Variants in IRAK2 observed in about 807,000 individuals in gnomAD.
IRAK2 encodes interleukin 1 receptor associated kinase 2, also known as interleukin-1 receptor-associated kinase-like 2.
A neutral mutation model predicts 72.0 loss-of-function variants in IRAK2; 57 were observed. The ratio of observed to expected loss-of-function variants is 0.79; its 90% CI spans 0.64 to 0.99. The LOEUF (loss-of-function observed/expected upper bound fraction) is 0.99. Ranked by LOEUF, IRAK2 falls within the 50% of genes least tolerant of loss-of-function variation. The pLI is 0.00. For missense variants in IRAK2, 790 were observed against 794.4 expected (o/e 0.99, Z 0.07); for synonymous variants, 293 against 312.7 (o/e 0.94, Z 0.67).
chr3:10,238,714 C>G (rs1313536500), intron 11 of IRAK2, 34 bp from the exon 12 acceptor site: 1 of 1,595,444 alleles, frequency 6.3e-7, no homozygotes, highest in Admixed American at 1.7e-5. Context: ...AGAGAGAATT[C>G]CTGATGAGCT....
intron 8 of IRAK2, among the ~76,000 whole-genome samples, chr3:10,222,196 A>AT (rs201644481): frequency 0.014 from 2,155 of 151,842 alleles, 51 homozygotes; most frequent in African/African-American, 0.049. Flanking sequence ...CCAAGAGGGA[A>AT]TTTTTTTTTC....
intron 1 of IRAK2, among the ~76,000 whole-genome samples, chr3:10,175,172 G>A (rs1011423131): frequency 1.3e-5 from 2 of 151,856 alleles, no homozygotes; most frequent in Non-Finnish European, 2.9e-5. Context: ...CGCTCAGGCT[G>A]GAGTGCAGTG....
intron 10 of IRAK2, among the ~76,000 whole-genome samples, chr3:10,226,919 C>T (rs1304977148): frequency 3.5e-5 from 5 of 143,044 alleles, no homozygotes; most frequent in Admixed American, 7.4e-5. Flanking sequence ...GCACTCCAGC[C>T]TGGGTGACAG....
At chr3:10,166,019 G>C (rs1380212775) in intron 1 of IRAK2, among the ~76,000 whole-genome samples, 1 of 151,772 alleles carries the variant, frequency 6.6e-6, no homozygotes. Context: ...ATGAGCCACC[G>C]CGCCCGGCCT....
chr3:10,237,929 C>CTGTGTGTGTGTG lies in IRAK2; in HGVS notation c.1474-792_1474-781dup, dbSNP rs138639711. The stretch of plus-strand genomic sequence containing the variant: ...GGGTATAAGGGTATGTATGTGTGCT[C>CTGTGTGTGTGTG]TGTGTGTGTGTGTGTGTGTGTGTGT... On this transcript the variant is annotated intron_variant, in intron 11 of 12. Coordinates refer to ENST00000256458, the MANE Select transcript of IRAK2 (RefSeq NM_001570.4). Among the ~76,000 whole-genome samples the CTGTGTGTGTGTG allele has an allele frequency of 6.5e-3, 897 of 138,306 alleles. 11 individuals are homozygous for CTGTGTGTGTGTG. The highest frequency in any genetic ancestry group is 1.0e-2 in the Non-Finnish European group (646 of 64,668). The allele number at this position is 138,306 out of a possible 152,430, so 90.7% of individuals were successfully genotyped here.
At chr3:10,176,923 C>T (rs534349298) in intron 1 of IRAK2, among the ~76,000 whole-genome samples, 2 of 151,770 alleles carry the variant, frequency 1.3e-5, no homozygotes, top group East Asian at 1.9e-4. Flanking sequence ...TTGCCTCAGC[C>T]TCCCGAGTAG....
chr3:10,209,525 G>C, intron 3 of IRAK2, 64 bp from the exon 4 acceptor site: 1 of 1,100,028 alleles, frequency 9.1e-7, no homozygotes, highest in Non-Finnish European at 1.3e-6. Context: ...CTGAGGACTA[G>C]ACCAGGATCC....
At chr3:10,185,023 G>GC (rs1298997490) in intron 2 of IRAK2, among the ~76,000 whole-genome samples, 4 of 150,968 alleles carry the variant, frequency 2.6e-5, no homozygotes, top group South Asian at 4.2e-4. Flanking sequence ...GAGCCCCTGC[G>GC]CCGGGCCAAA....
chr3:10,222,593 C>T, intron 8 of IRAK2, 43 bp from the exon 9 acceptor site: 1 of 1,541,814 alleles, frequency 6.5e-7, no homozygotes, highest in Non-Finnish European at 9.0e-7. Flanking sequence ...TTGTTGTTAT[C>T]CAGCTCAAAA....
chr3:10,200,007 C>T (rs9861790), intron 2 of IRAK2, among the ~76,000 whole-genome samples: 237 of 151,896 alleles, frequency 1.6e-3, no homozygotes, highest in African/African-American at 5.5e-3. Context: ...CCTGCCTCAG[C>T]CTCCCAAGTA....
intron 1 of IRAK2, among the ~76,000 whole-genome samples, chr3:10,168,299 C>T (rs533462605): frequency 6.6e-6 from 1 of 151,704 alleles, no homozygotes; most frequent in Admixed American, 6.6e-5. Context: ...CAACCTTAGC[C>T]TCCTGGGTTC....
chr3:10,234,455 A>G lies in IRAK2; in HGVS notation c.1273-4A>G, dbSNP rs773424207. The G allele has an allele frequency of 8.7e-6, 14 of 1,612,972 alleles. No individual in the cohort carries two copies. In the South Asian group the frequency reaches 1.5e-4, roughly 18 times the overall value. ...CAAGGGCGTTTCTACCCTTCTTCCC[A>G]CAGAAGGACTTACTCCTCAGTGATA... On this transcript the variant is annotated splice_polypyrimidine_tract_variant and splice_region_variant and intron_variant, in intron 10 of 12. Coordinates refer to ENST00000256458, the MANE Select transcript of IRAK2 (RefSeq NM_001570.4).
chr3:10,235,943 T>C (rs911824296), intron 11 of IRAK2, among the ~76,000 whole-genome samples: 3 of 152,166 alleles, frequency 2.0e-5, no homozygotes, highest in Non-Finnish European at 4.4e-5. Flanking sequence ...TGTGCCCCGA[T>C]GTTCAGTCAT....
intron 2 of IRAK2, among the ~76,000 whole-genome samples, chr3:10,187,904 G>C (rs1410348785): frequency 6.6e-6 from 1 of 152,164 alleles, no homozygotes; most frequent in Non-Finnish European, 1.5e-5. Flanking sequence ...CATCCAGTGT[G>C]AGAAGAGTCT....
chr3:10,231,181 A>T (rs999241277), intron 10 of IRAK2, among the ~76,000 whole-genome samples: 1 of 152,216 alleles, frequency 6.6e-6, no homozygotes, highest in Admixed American at 6.5e-5. Flanking sequence ...AACCAAAATA[A>T]TTATAGCTGT....
intron 8 of IRAK2, among the ~76,000 whole-genome samples, chr3:10,220,255 C>A (rs11465912): frequency 6.6e-6 from 1 of 152,202 alleles, no homozygotes; most frequent in Non-Finnish European, 1.5e-5. Context: ...TAGGCCTGCA[C>A]CCCTGCATGT....
At chr3:10,237,048 A>C (rs980202180) in intron 11 of IRAK2, among the ~76,000 whole-genome samples, 2 of 152,250 alleles carry the variant, frequency 1.3e-5, no homozygotes, top group Non-Finnish European at 2.9e-5. Flanking sequence ...GGTTAAAAGG[A>C]AAAGGTGGAC....
In IRAK2 at chr3:10,237,297, G is replaced by A. The variant is rs557620335; in HGVS notation, c.1474-1451G>A. Among the ~76,000 whole-genome samples the A allele has an allele frequency of 5.3e-5, 8 of 152,248 alleles. 1 individual carries two copies. The highest frequency in any genetic ancestry group is 1.7e-4 in the African/African-American group (7 of 41,570). On this transcript the variant is annotated intron_variant, in intron 11 of 12. Coordinates refer to ENST00000256458, the MANE Select transcript of IRAK2 (RefSeq NM_001570.4). Reference sequence around the variant, plus strand: ...AGGGGATAGGGCACTTTAGGTGTAAGAAGAGGTAGGAGATGGCCTTAGCTC... The same window carrying A: ...AGGGGATAGGGCACTTTAGGTGTAAAAAGAGGTAGGAGATGGCCTTAGCTC...
intron 4 of IRAK2, among the ~76,000 whole-genome samples, chr3:10,211,275 G>A (rs962083046): frequency 4.6e-5 from 7 of 151,838 alleles, no homozygotes; most frequent in East Asian, 1.9e-4. Flanking sequence ...CTGAGTATCC[G>A]GGATTATAGG....
Sources: allele counts gnomAD v4.1 joint callset (sites outside exome capture counted in the v4.1 genomes callset), GRCh38; gene constraint gnomAD v4.1.1; transcripts MANE v1.5; gene names NCBI Gene and HGNC (gene_info 2026-07-23, HGNC 2026-07-21).